PTPRM: variants seen among roughly 807,000 people sequenced by gnomAD.
PTPRM encodes the protein receptor-type tyrosine-protein phosphatase mu.
Under a neutral mutation model 186.7 loss-of-function variants are expected in PTPRM, and 47 were observed. The observed-to-expected ratio is 0.25, with a 90% CI of 0.20 to 0.32. The LOEUF (loss-of-function observed/expected upper bound fraction) is 0.32, where lower values mean the gene tolerates loss of function less well. Ranked by LOEUF, PTPRM falls within the 10% of genes least tolerant of loss-of-function variation. The probability of loss-of-function intolerance (pLI) is 1.00; values close to 1 mark genes in which losing one functional copy is unlikely to be tolerated. For missense variants in PTPRM, 1,494 were observed against 1,865.0 expected, an observed-to-expected ratio of 0.80 and a Z score of 3.66; for synonymous variants, 668 against 674.9, an observed-to-expected ratio of 0.99 and a Z score of 0.16.
intron 13 of PTPRM, among the ~76,000 whole-genome samples, chr18:8,131,592 T>A (rs1003188828): frequency 1.3e-5 from 2 of 152,334 alleles, no homozygotes; most frequent in East Asian, 3.9e-4. Flanking sequence ...TAGATGAGGA[T>A]GCCTTTCTTT....
chr18:7,667,583 A>C (rs1598334995), intron 1 of PTPRM, among the ~76,000 whole-genome samples: 1 of 152,262 alleles, frequency 6.6e-6, no homozygotes, highest in East Asian at 1.9e-4. Flanking sequence ...GTGCGTAATA[A>C]GCTAAGAAAA....
At chr18:7,922,214 G>A (rs1568017952) in intron 4 of PTPRM, among the ~76,000 whole-genome samples, 1 of 152,312 alleles carries the variant, frequency 6.6e-6, no homozygotes, top group South Asian at 2.1e-4. Flanking sequence ...GGGAAGGCTG[G>A]CTAAGGGTTT....
At chr18:7,918,091 T>A (rs1021592708) in intron 4 of PTPRM, among the ~76,000 whole-genome samples, 21 of 122,642 alleles carry the variant, frequency 1.7e-4, no homozygotes, top group Admixed American at 1.2e-3. Context: ...TGTGTGTGTG[T>A]GTGTGTGTGT....
chr18:7,837,860 C>T (rs946193874), intron 2 of PTPRM, among the ~76,000 whole-genome samples: 2 of 152,172 alleles, frequency 1.3e-5, no homozygotes, highest in African/African-American at 4.8e-5. Flanking sequence ...CTTGTAGACG[C>T]TCATCTGTAT....
chr18:7,743,566 T>C (rs894079978), intron 1 of PTPRM, among the ~76,000 whole-genome samples: 4 of 152,200 alleles, frequency 2.6e-5, no homozygotes, highest in Non-Finnish European at 5.9e-5. Flanking sequence ...TGCTAAAACC[T>C]GGTATTTTAA....
At chr18:7,581,122 G>A (rs988991769) in intron 1 of PTPRM, among the ~76,000 whole-genome samples, 1 of 152,148 alleles carries the variant, frequency 6.6e-6, no homozygotes, top group African/African-American at 2.4e-5. Context: ...CTTTTATATT[G>A]AACTGAAAAC....
intron 7 of PTPRM, among the ~76,000 whole-genome samples, chr18:7,992,693 A>G (rs2083324330): frequency 6.6e-6 from 1 of 152,146 alleles, no homozygotes; most frequent in Admixed American, 6.6e-5. Flanking sequence ...TAAGAAAAAC[A>G]TTGTATATCA....
chr18:7,697,977 A>G (rs2039880574), intron 1 of PTPRM, among the ~76,000 whole-genome samples: 1 of 152,248 alleles, frequency 6.6e-6, no homozygotes, highest in African/African-American at 2.4e-5. Context: ...GTTCTGTTGT[A>G]GTCAAGTTTG....
intron 13 of PTPRM, among the ~76,000 whole-genome samples, chr18:8,119,355 G>A (rs2092085331): frequency 6.6e-6 from 1 of 152,014 alleles, no homozygotes; most frequent in Non-Finnish European, 1.5e-5. Context: ...GGCCATAATG[G>A]TACAGAATGA....
chr18:8,234,439 C>A (rs2094321096), intron 14 of PTPRM, among the ~76,000 whole-genome samples: 1 of 152,158 alleles, frequency 6.6e-6, no homozygotes, highest in African/African-American at 2.4e-5. Flanking sequence ...TGGTATCCTG[C>A]AACCTTGCTA....
intron 2 of PTPRM, among the ~76,000 whole-genome samples, chr18:7,842,947 TAGAGAGAGAGAGAG>T (rs1555616950): frequency 8.9e-6 from 1 of 112,132 alleles, no homozygotes; most frequent in Non-Finnish European, 1.7e-5. Flanking sequence ...TATATATATA[TAGAGAGAGAGAGAG>T]AGAGAGAGAG....
intron 19 of PTPRM, among the ~76,000 whole-genome samples, chr18:8,291,616 A>T (rs1469585195): frequency 6.6e-6 from 1 of 152,198 alleles, no homozygotes; most frequent in Admixed American, 6.5e-5. Context: ...GATAAAAAAG[A>T]TAGCTAAAGA....
chr18:7,613,320 TC>T (rs1207967681), intron 1 of PTPRM, among the ~76,000 whole-genome samples: 1 of 152,174 alleles, frequency 6.6e-6, no homozygotes, highest in Admixed American at 6.5e-5. Flanking sequence ...TTTGTCATGT[TC>T]CCCTTTTTCA....
At chr18:8,310,822 T>C (rs938386030) in intron 20 of PTPRM, among the ~76,000 whole-genome samples, 1 of 152,168 alleles carries the variant, frequency 6.6e-6, no homozygotes, top group African/African-American at 2.4e-5. Context: ...TAGCATAGTG[T>C]TTGGCATATA....
intron 1 of PTPRM, among the ~76,000 whole-genome samples, chr18:7,675,398 G>A: frequency 6.6e-6 from 1 of 152,144 alleles, no homozygotes; most frequent in Non-Finnish European, 1.5e-5. Context: ...GAGAGCCCTT[G>A]TTCCAGAGCA....
intron 13 of PTPRM, among the ~76,000 whole-genome samples, chr18:8,115,964 T>C (rs902318621): frequency 6.6e-6 from 1 of 152,218 alleles, no homozygotes; most frequent in African/African-American, 2.4e-5. Context: ...GGCTTGTAGT[T>C]CTATATCCAA....
At chr18:7,915,100 G>A (rs1236460449) in intron 4 of PTPRM, among the ~76,000 whole-genome samples, 1 of 152,038 alleles carries the variant, frequency 6.6e-6, no homozygotes, top group African/African-American at 2.4e-5. Context: ...TTGTATCTTG[G>A]TCAATGATAA....
intron 1 of PTPRM, among the ~76,000 whole-genome samples, chr18:7,618,840 G>T (rs2037869767): frequency 6.6e-6 from 1 of 152,214 alleles, no homozygotes; most frequent in South Asian, 2.1e-4. Context: ...TAAATCCTTG[G>T]CTGGCAATTT....
At chr18:7,719,974 G>A (rs566001573) in intron 1 of PTPRM, among the ~76,000 whole-genome samples, 1 of 152,110 alleles carries the variant, frequency 6.6e-6, no homozygotes, top group East Asian at 1.9e-4. Context: ...TGAGGTAGGA[G>A]GATCTCTTGA....
Sources: allele counts gnomAD v4.1 joint callset (sites outside exome capture counted in the v4.1 genomes callset), GRCh38; gene constraint gnomAD v4.1.1; transcripts MANE v1.5; gene names NCBI Gene and HGNC (gene_info 2026-07-23, HGNC 2026-07-21).